The following SSH2 variants were observed in gnomAD, a reference collection of about 807,000 sequenced individuals.
SSH2 encodes the protein slingshot protein phosphatase 2.
Under a neutral mutation model 135.2 loss-of-function variants are expected in SSH2, and 37 were observed. The ratio of observed to expected loss-of-function variants is 0.27; its 90% CI spans 0.21 to 0.36. SSH2 has a LOEUF of 0.36. Among genes scored for constraint, SSH2 ranks in the 10% least tolerant of loss-of-function variants. The probability of loss-of-function intolerance (pLI) is 1.00; values close to 1 mark genes in which losing one functional copy is unlikely to be tolerated. For missense variants in SSH2, 1,408 were observed against 1,765.3 expected (o/e 0.80, Z 3.63); for synonymous variants, 628 against 646.2 (o/e 0.97, Z 0.43).
intron 2 of SSH2, among the ~76,000 whole-genome samples, chr17:29,821,414 G>A (rs1702974377): frequency 6.6e-6 from 1 of 151,708 alleles, no homozygotes; most frequent in African/African-American, 2.4e-5. Context: ...ATCACACCCA[G>A]CTCCATATTT....
intron 2 of SSH2, among the ~76,000 whole-genome samples, chr17:29,803,992 A>C (rs975575500): frequency 2.6e-5 from 4 of 152,188 alleles, no homozygotes; most frequent in African/African-American, 9.6e-5. Flanking sequence ...GGTTTGGAAG[A>C]GGCTCAGACA....
At chr17:29,780,087 CGT>C (rs2041806813) in intron 3 of SSH2, among the ~76,000 whole-genome samples, 2 of 151,336 alleles carry the variant, frequency 1.3e-5, no homozygotes, top group Non-Finnish European at 1.5e-5. Context: ...CATGATGGCA[CGT>C]GTCTGTAATC....
intron 3 of SSH2, among the ~76,000 whole-genome samples, chr17:29,757,741 AAAG>A (rs1431582189): frequency 7.8e-6 from 1 of 128,806 alleles, no homozygotes; most frequent in African/African-American, 2.9e-5. Context: ...AAAAAAAAAA[AAAG>A]AGAGAGAGAG....
At chr17:29,864,334 A>AATAAATAAATAAATAG (rs369238059) in intron 1 of SSH2, 10 of 150,052 alleles carry the variant, frequency 6.7e-5, no homozygotes, top group East Asian at 1.9e-4. Flanking sequence ...TAAATAAATA[A>AATAAATAAATAAATAG]ATAGATAGAT....
Position 29,630,872 on chromosome 17 carries a change from C to G in SSH2, c.4322G>C (p.Arg1441Pro). ...RRLKKANDKK[R>P]TTNPFYNTM is the part of the protein sequence containing the mutation. ...GGTATTATAGAAGGGGTTGGTTGTC[C>G]GTTTTTTGTCATTTGCCTTTTTCAG... The change falls in exon 16 of 16, where the codon CGG becomes CCG. Residue 1441 changes from arginine (R) to proline (P), a missense_variant. By Grantham distance (103) the Arg-to-Pro change is moderately radical. Coordinates refer to ENST00000540801, the MANE Select transcript of SSH2 (RefSeq NM_001282129.2). The G allele has an allele frequency of 6.4e-7, 1 of 1,566,162 alleles. No individual in the cohort carries two copies. The highest frequency in any genetic ancestry group is 8.7e-7 in the Non-Finnish European group (1 of 1,151,616).
chr17:29,907,541 T>C (rs1201777699), intron 1 of SSH2, among the ~76,000 whole-genome samples: 2 of 152,208 alleles, frequency 1.3e-5, no homozygotes, highest in Admixed American at 1.3e-4. Flanking sequence ...AAAAATACAT[T>C]GTCTATTTTC....
At chr17:29,661,468 CTG>C (rs1417054037) in intron 11 of SSH2, among the ~76,000 whole-genome samples, 3 of 152,198 alleles carry the variant, frequency 2.0e-5, no homozygotes, top group African/African-American at 7.2e-5. Flanking sequence ...CTCAAGGACA[CTG>C]TGCTGAAGTT....
intron 1 of SSH2, among the ~76,000 whole-genome samples, chr17:29,894,665 G>A (rs2066410419): frequency 6.6e-6 from 1 of 151,744 alleles, no homozygotes; most frequent in Non-Finnish European, 1.5e-5. Context: ...AGCTACAAAG[G>A]ACTAACTATT....
At chr17:29,667,337 C>T in intron 9 of SSH2, 114 bp from the exon 10 acceptor site, 2 of 821,030 alleles carry the variant, frequency 2.4e-6, no homozygotes, top group South Asian at 1.8e-5. Flanking sequence ...AATCCTTTTC[C>T]AAAATCGGTT....
At chr17:29,699,041 T>C (rs1406384171) in intron 4 of SSH2, among the ~76,000 whole-genome samples, 1 of 152,222 alleles carries the variant, frequency 6.6e-6, no homozygotes, top group Admixed American at 6.5e-5. Context: ...AAAAAGTACT[T>C]ACTGCTCTGA....
chr17:29,848,073 C>T (rs1301347983), intron 2 of SSH2, among the ~76,000 whole-genome samples: 1 of 152,152 alleles, frequency 6.6e-6, no homozygotes, highest in East Asian at 1.9e-4. Flanking sequence ...TGATTTCTTT[C>T]CTGGTGAAAC....
At chr17:29,865,577 C>A (rs1265850888) in intron 1 of SSH2, among the ~76,000 whole-genome samples, 2 of 152,194 alleles carry the variant, frequency 1.3e-5, no homozygotes, top group Non-Finnish European at 2.9e-5. Flanking sequence ...TCTAAAAAAT[C>A]ATTCCTTGAA....
At chr17:29,912,579 A>T (rs905496210) in intron 1 of SSH2, among the ~76,000 whole-genome samples, 4 of 152,036 alleles carry the variant, frequency 2.6e-5, no homozygotes, top group Non-Finnish European at 5.9e-5. Context: ...CTAAGAAAAA[A>T]TAGCTGGGTA....
intron 11 of SSH2, among the ~76,000 whole-genome samples, chr17:29,659,697 T>C (rs888978152): frequency 6.6e-6 from 1 of 151,982 alleles, no homozygotes; most frequent in Admixed American, 6.6e-5. Context: ...CTAATTTTGT[T>C]TTTTGTATTT....
At chr17:29,799,366 A>G (rs188009294) in intron 2 of SSH2, among the ~76,000 whole-genome samples, 400 of 152,346 alleles carry the variant, frequency 2.6e-3, no homozygotes, top group Non-Finnish European at 5.0e-3. Flanking sequence ...ATTATTTTCC[A>G]AAGTGGTTGT....
intron 1 of SSH2, among the ~76,000 whole-genome samples, chr17:29,902,023 G>T (rs1323834530): frequency 2.0e-5 from 3 of 151,964 alleles, no homozygotes; most frequent in Non-Finnish European, 4.4e-5. Flanking sequence ...CTGGCCTCAA[G>T]GGATCCTCCT....
Position 29,630,171 on chromosome 17 carries a change from G to T in SSH2, c.*670C>A, listed in dbSNP as rs2035609006. The T allele has an allele frequency of 6.6e-6, 1 of 152,036 alleles. No homozygotes were observed. Among genetic ancestry groups the T allele is most frequent in the Non-Finnish European group, 1.5e-5 (1 of 68,010 alleles). The allele number at this position is 152,036 out of a possible 1,614,324, so 9.4% of individuals were successfully genotyped here. ...AGAAGACCACTTGGATTTCATTTGG[G>T]GTCCTGTTTTAATTTCAAAAATAAT... On this transcript the variant is annotated 3_prime_UTR_variant, in exon 16 of 16. Coordinates refer to ENST00000540801, the MANE Select transcript of SSH2 (RefSeq NM_001282129.2).
chr17:29,820,521 C>A (rs2042633549), intron 2 of SSH2, among the ~76,000 whole-genome samples: 1 of 152,152 alleles, frequency 6.6e-6, no homozygotes, highest in East Asian at 1.9e-4. Context: ...AGTAAAATTA[C>A]AACTACAAAT....
intron 3 of SSH2, among the ~76,000 whole-genome samples, chr17:29,729,362 C>T (rs1373569147): frequency 6.6e-6 from 1 of 152,052 alleles, no homozygotes. Context: ...CCAGTTAAAA[C>T]GGCTTTAATC....
Sources: gnomAD v4.1 joint callset for allele counts (sites outside exome capture counted in the v4.1 genomes callset) on GRCh38, gnomAD v4.1.1 for gene constraint, MANE v1.5 for transcripts, NCBI Gene and HGNC (gene_info 2026-07-23, HGNC 2026-07-21) for gene names.